RNGTT: variants seen among roughly 807,000 people sequenced by gnomAD.
RNGTT encodes mRNA-capping enzyme.
Under a neutral mutation model 79.3 loss-of-function variants are expected in RNGTT, and 33 were observed. That is an observed-to-expected ratio of 0.42 (90% CI 0.32 to 0.56). The LOEUF (loss-of-function observed/expected upper bound fraction) is 0.56. Among genes scored for constraint, RNGTT ranks in the 20% least tolerant of loss-of-function variants. The pLI is 0.17. For missense variants in RNGTT, 497 were observed against 739.1 expected (o/e 0.67, Z 3.80); for synonymous variants, 222 against 235.9 (o/e 0.94, Z 0.54).
At chr6:88,898,862 CA>C (rs34986773) in intron 6 of RNGTT, among the ~76,000 whole-genome samples, 21,746 of 110,182 alleles carry the variant, frequency 0.2, 1,739 homozygotes, top group African/African-American at 0.28. Flanking sequence ...TTATATTTTA[CA>C]AAAAAAAAAA....
At chr6:88,834,852 A>C (rs1781010474) in intron 11 of RNGTT, among the ~76,000 whole-genome samples, 1 of 71,842 alleles carries the variant, frequency 1.4e-5, no homozygotes, top group African/African-American at 9.4e-5. Context: ...TGCCAAATGA[A>C]ATACATAAAC....
At chr6:88,962,146 A>ATCAG (rs778732520) in intron 1 of RNGTT, among the ~76,000 whole-genome samples, 1 of 152,190 alleles carries the variant, frequency 6.6e-6, no homozygotes, top group Non-Finnish European at 1.5e-5. Context: ...CAGAAAGCAG[A>ATCAG]TCAGTGGCTG....
chr6:88,949,184 T>TAAAAAAAAAAAAAAAAAAAAAAAA (rs1785157793), intron 1 of RNGTT, among the ~76,000 whole-genome samples: 2 of 51,848 alleles, frequency 3.9e-5, no homozygotes, highest in Non-Finnish European at 8.1e-5. Context: ...AAAAAGAAAA[T>TAAAAAAAAAAAAAAAAAAAAAAAA]GAAAAGCTCT....
chr6:88,698,787 T>C (rs1775846677), intron 13 of RNGTT, among the ~76,000 whole-genome samples: 1 of 152,180 alleles, frequency 6.6e-6, no homozygotes. Context: ...AAGTTAAAAG[T>C]TAACATAAAG....
At chr6:88,748,882 A>T (rs1777752466) in intron 13 of RNGTT, among the ~76,000 whole-genome samples, 1 of 152,118 alleles carries the variant, frequency 6.6e-6, no homozygotes, top group Non-Finnish European at 1.5e-5. Flanking sequence ...GGGGAAAAAA[A>T]AAATCCATAC....
chr6:88,727,003 G>GT (rs1776933400), intron 13 of RNGTT, among the ~76,000 whole-genome samples: 1 of 105,252 alleles, frequency 9.5e-6, no homozygotes, highest in African/African-American at 3.8e-5. Flanking sequence ...AAAAAGGGGT[G>GT]GGGGGGGAGA....
chr6:88,700,000 A>T (rs1775891408), intron 13 of RNGTT, among the ~76,000 whole-genome samples: 1 of 152,176 alleles, frequency 6.6e-6, no homozygotes, highest in Non-Finnish European at 1.5e-5. Flanking sequence ...AAGTGAAAAT[A>T]GTGGCAGGAA....
intron 13 of RNGTT, among the ~76,000 whole-genome samples, chr6:88,689,872 T>TA (rs1775418100): frequency 7.3e-6 from 1 of 137,652 alleles, no homozygotes; most frequent in African/African-American, 2.8e-5. Context: ...CACGTAACAA[T>TA]TACAAAAAAA....
Position 88,956,611 on chromosome 6 carries a change from C to A in RNGTT, c.64+6735G>T, listed in dbSNP as rs375364441. Among the ~76,000 whole-genome samples the A allele has an allele frequency of 2.6e-5, 4 of 152,112 alleles. No individual in the cohort carries two copies. In the East Asian group the frequency reaches 7.7e-4, roughly 29 times the overall value. Reference sequence around the variant, plus strand: ...AATAAAGAAAACTAGAGACCAATATCCCTGATGAACATAGATGCAAAAATC... The same window carrying A: ...AATAAAGAAAACTAGAGACCAATATACCTGATGAACATAGATGCAAAAATC... On this transcript the variant is annotated intron_variant, in intron 1 of 15. Transcript: ENST00000369485.
intron 12 of RNGTT, among the ~76,000 whole-genome samples, chr6:88,786,163 T>C (rs990224153): frequency 8.5e-5 from 13 of 152,158 alleles, no homozygotes; most frequent in Non-Finnish European, 1.8e-4. Flanking sequence ...TTTTATTTCA[T>C]AGTGATAGAT....
chr6:88,931,756 C>A (rs549987522), intron 2 of RNGTT, among the ~76,000 whole-genome samples: 1 of 152,172 alleles, frequency 6.6e-6, no homozygotes, highest in Admixed American at 6.6e-5. Flanking sequence ...GGACCCCTAA[C>A]AGAGGGACCG....
intron 2 of RNGTT, among the ~76,000 whole-genome samples, chr6:88,932,630 T>C (rs1784546157): frequency 6.6e-6 from 1 of 152,070 alleles, no homozygotes; most frequent in Non-Finnish European, 1.5e-5. Flanking sequence ...TTAGGGAAAA[T>C]AGAAAAGAAC....
In RNGTT at chr6:88,849,748, T is replaced by C. The variant is rs1206451126; in HGVS notation, c.1104+7A>G. ...TAACTTGTATTTTATAAATTATAGGTACTTACATTGAATTTAATTATGTCA... is the reference window on the plus strand; with the variant it reads ...TAACTTGTATTTTATAAATTATAGGCACTTACATTGAATTTAATTATGTCA... On this transcript the variant is annotated splice_region_variant and intron_variant, in intron 10 of 15. Coordinates refer to ENST00000369485, the MANE Select transcript of RNGTT (RefSeq NM_003800.5). The C allele has an allele frequency of 6.6e-7, 1 of 1,520,156 alleles. No individual in the cohort carries two copies. Among genetic ancestry groups the C allele is most frequent in the Non-Finnish European group, 8.8e-7 (1 of 1,130,396 alleles). The allele number at this position is 1,520,156 out of a possible 1,614,324, so 94.2% of individuals were successfully genotyped here.
At chr6:88,932,781 T>C (rs1269120695) in intron 2 of RNGTT, among the ~76,000 whole-genome samples, 1 of 152,146 alleles carries the variant, frequency 6.6e-6, no homozygotes, top group Non-Finnish European at 1.5e-5. Context: ...GAAAAATCTT[T>C]AAAACCTAGA....
At chr6:88,771,315 G>GTGTGTGTATATATATA (rs1303688973) in intron 12 of RNGTT, among the ~76,000 whole-genome samples, 241 of 61,942 alleles carry the variant, frequency 3.9e-3, no homozygotes, top group Middle Eastern at 0.012. Context: ...GTGTGTGTGT[G>GTGTGTGTATATATATA]TATATATATA....
intron 14 of RNGTT, among the ~76,000 whole-genome samples, chr6:88,657,925 G>C (rs1270119929): frequency 6.6e-6 from 1 of 152,172 alleles, no homozygotes; most frequent in East Asian, 1.9e-4. Context: ...GAGAGTCTGA[G>C]CTCAGATCTG....
chr6:88,851,387 ATTGT>A (rs2127906142), intron 9 of RNGTT, among the ~76,000 whole-genome samples: 4 of 152,054 alleles, frequency 2.6e-5, no homozygotes, highest in African/African-American at 7.2e-5. Context: ...TCATCTCTTG[ATTGT>A]TTATTTTTTC....
rs372577674 is a variant in RNGTT at position 88,782,017 on chromosome 6, A to T, written c.1339-12143T>A. Among the ~76,000 whole-genome samples the T allele has an allele frequency of 4.6e-5, 7 of 151,938 alleles. No homozygotes were observed. In the South Asian group the frequency reaches 6.2e-4, roughly 14 times the overall value. Reference sequence around the variant, plus strand: ...TACTGAAAATAATACAAGCTTCTCAACCTAACAACCAAAGACCACCTCCCC... The same window carrying T: ...TACTGAAAATAATACAAGCTTCTCATCCTAACAACCAAAGACCACCTCCCC... On this transcript the variant is annotated intron_variant, in intron 12 of 15. Coordinates refer to ENST00000369485, the MANE Select transcript of RNGTT (RefSeq NM_003800.5).
At chr6:88,886,662 C>T (rs1305054790) in intron 8 of RNGTT, among the ~76,000 whole-genome samples, 5 of 152,134 alleles carry the variant, frequency 3.3e-5, no homozygotes, top group Non-Finnish European at 7.4e-5. Context: ...AAACTAAAGA[C>T]ATCTCATTTT....
Sources: allele counts gnomAD v4.1 joint callset (sites outside exome capture counted in the v4.1 genomes callset), GRCh38; gene constraint gnomAD v4.1.1; transcripts MANE v1.5; gene names NCBI Gene and HGNC (gene_info 2026-07-23, HGNC 2026-07-21).